PTPRD: variants seen among roughly 807,000 people sequenced by gnomAD.
The protein encoded by PTPRD is receptor-type tyrosine-protein phosphatase delta.
PTPRD carries 34 observed loss-of-function variants against 214.5 expected under a neutral mutation model. That is an observed-to-expected ratio of 0.16 (90% confidence interval 0.12 to 0.21). PTPRD has a LOEUF of 0.21. Ranked by LOEUF, PTPRD falls within the 10% of genes least tolerant of loss-of-function variation. PTPRD has a pLI of 1.00. For missense variants in PTPRD, 2,545 were observed against 2,398.7 expected, an observed-to-expected ratio of 1.06 and a Z score of -1.27; for synonymous variants, 1,128 against 845.7, an observed-to-expected ratio of 1.33 and a Z score of -5.79.
intron 9 of PTPRD, among the ~76,000 whole-genome samples, chr9:9,269,187 T>G (rs1332661079): frequency 1.3e-5 from 2 of 151,322 alleles, no homozygotes; most frequent in Non-Finnish European, 3.0e-5. Context: ...TAACCTTATT[T>G]AAAAAATTAT....
intron 11 of PTPRD, among the ~76,000 whole-genome samples, chr9:8,905,943 C>G (rs1395348885): frequency 6.6e-6 from 1 of 152,112 alleles, no homozygotes. Context: ...CACCATAGAC[C>G]AGCTTCATTT....
At chr9:10,137,515 C>A (rs2098950480) in intron 3 of PTPRD, among the ~76,000 whole-genome samples, 1 of 76,076 alleles carries the variant, frequency 1.3e-5, no homozygotes, top group African/African-American at 5.7e-5. Context: ...ATCACATGGA[C>A]ACAGGAAGGG....
chr9:10,563,533 T>C (rs930704970), intron 2 of PTPRD, among the ~76,000 whole-genome samples: 3 of 152,192 alleles, frequency 2.0e-5, no homozygotes, highest in African/African-American at 7.2e-5. Flanking sequence ...CCAACTTTTA[T>C]CATAAATATT....
intron 11 of PTPRD, among the ~76,000 whole-genome samples, chr9:8,809,974 G>C (rs984978218): frequency 1.3e-5 from 2 of 152,160 alleles, no homozygotes; most frequent in African/African-American, 4.8e-5. Flanking sequence ...CCTGCTATCA[G>C]AGAAGCTATG....
At chr9:9,856,701 TC>T (rs2061622250) in intron 5 of PTPRD, among the ~76,000 whole-genome samples, 5 of 152,090 alleles carry the variant, frequency 3.3e-5, no homozygotes, top group African/African-American at 9.7e-5. Flanking sequence ...GTTAAAGCTG[TC>T]CCAATTTTCT....
Position 9,217,035 on chromosome 9 carries a change from T to C in PTPRD, c.-202-33672A>G, listed in dbSNP as rs193188900. The stretch of plus-strand genomic sequence containing the variant: ...TCAAAGAACCAATATGTTTAAGAAA[T>C]GCCAGTGTTAACATTTTTTTTAATC... On this transcript the variant is annotated intron_variant, in intron 9 of 45. Transcript: ENST00000381196. 4.8e-3 allele frequency among the ~76,000 whole-genome samples: 725 copies of C among 152,160 alleles called. 2 individuals are homozygous for C. The highest frequency in any genetic ancestry group is 7.6e-3 in the Non-Finnish European group (514 of 67,996).
chr9:9,404,713 A>G (rs2072548732), intron 8 of PTPRD, among the ~76,000 whole-genome samples: 1 of 152,122 alleles, frequency 6.6e-6, no homozygotes, highest in Non-Finnish European at 1.5e-5. Flanking sequence ...GACTAGAGAT[A>G]AACATTGAGA....
chr9:10,427,957 T>G (rs1042728622), intron 2 of PTPRD, among the ~76,000 whole-genome samples: 1 of 152,132 alleles, frequency 6.6e-6, no homozygotes, highest in Non-Finnish European at 1.5e-5. Flanking sequence ...CACAGTTGCA[T>G]GCATGTTTGT....
intron 5 of PTPRD, among the ~76,000 whole-genome samples, chr9:9,918,987 C>T (rs959016472): frequency 6.6e-6 from 1 of 151,952 alleles, no homozygotes; most frequent in Non-Finnish European, 1.5e-5. Flanking sequence ...GTTTTTTATT[C>T]TAATTTTAAT....
chr9:10,393,729 T>A (rs2098116576), intron 2 of PTPRD, among the ~76,000 whole-genome samples: 1 of 147,444 alleles, frequency 6.8e-6, no homozygotes, highest in South Asian at 2.1e-4. Context: ...ATCAAATATA[T>A]AAATACATAT....
chr9:10,065,066 T>C (rs1406530733), intron 3 of PTPRD, among the ~76,000 whole-genome samples: 1 of 151,680 alleles, frequency 6.6e-6, no homozygotes, highest in Non-Finnish European at 1.5e-5. Flanking sequence ...GTAATTTGCC[T>C]TGCCTAGATT....
intron 7 of PTPRD, among the ~76,000 whole-genome samples, chr9:9,733,651 AC>A: frequency 6.6e-6 from 1 of 152,304 alleles, no homozygotes; most frequent in East Asian, 1.9e-4. Flanking sequence ...ATAATGGAGT[AC>A]AAGATTGTAT....
chr9:8,471,188 G>A, intron 30 of PTPRD, 103 bp from the exon 31 acceptor site: 2 of 858,196 alleles, frequency 2.3e-6, no homozygotes, highest in Non-Finnish European at 4.0e-6. Context: ...GGCAAATTAT[G>A]GATATGGGGT....
chr9:9,009,332 T>C (rs1167497812), intron 11 of PTPRD, among the ~76,000 whole-genome samples: 2 of 152,118 alleles, frequency 1.3e-5, no homozygotes, highest in African/African-American at 2.4e-5. Flanking sequence ...CCCAACAGAA[T>C]TGAAATATTG....
chr9:9,071,896 T>G (rs1184017398), intron 10 of PTPRD, among the ~76,000 whole-genome samples: 3 of 152,178 alleles, frequency 2.0e-5, no homozygotes, highest in African/African-American at 7.2e-5. Context: ...CCCGTCATAC[T>G]TGAGAGTAAA....
chr9:8,557,523 AC>A (rs1235547492), intron 14 of PTPRD, among the ~76,000 whole-genome samples: 1 of 148,592 alleles, frequency 6.7e-6, no homozygotes, highest in Non-Finnish European at 1.5e-5. Flanking sequence ...TGGGCGGATC[AC>A]CTGAGGTCAG....
chr9:8,718,045 G>A (rs149062824), intron 12 of PTPRD, among the ~76,000 whole-genome samples: 2 of 152,280 alleles, frequency 1.3e-5, no homozygotes, highest in African/African-American at 2.4e-5. Context: ...GAAGACAGCA[G>A]AAAAAGATGG....
chr9:8,495,179 C>A (rs1204519833), intron 26 of PTPRD, among the ~76,000 whole-genome samples: 1 of 152,116 alleles, frequency 6.6e-6, no homozygotes. Context: ...CTGTGACTAC[C>A]CAGTGTTACT....
chr9:9,444,059 C>T (rs1343644415), intron 8 of PTPRD, among the ~76,000 whole-genome samples: 1 of 152,112 alleles, frequency 6.6e-6, no homozygotes, highest in East Asian at 1.9e-4. Flanking sequence ...TGGACTATTT[C>T]TTGAGTAAGT....
Sources: allele counts gnomAD v4.1 joint callset (sites outside exome capture counted in the v4.1 genomes callset), GRCh38; gene constraint gnomAD v4.1.1; transcripts MANE v1.5; gene names NCBI Gene and HGNC (gene_info 2026-07-23, HGNC 2026-07-21).